BMPR1B: variants seen among roughly 807,000 people sequenced by gnomAD.
BMPR1B encodes bone morphogenetic protein receptor type 1B.
In BMPR1B, 12 loss-of-function variants were observed where a neutral mutation model predicts 59.1. That is an observed-to-expected ratio of 0.20 (90% CI 0.13 to 0.33). The LOEUF (loss-of-function observed/expected upper bound fraction) is 0.33, where lower values mean the gene tolerates loss of function less well. Among genes scored for constraint, BMPR1B ranks in the 10% least tolerant of loss-of-function variants. BMPR1B has a pLI of 1.00. For missense variants in BMPR1B, 550 were observed against 610.9 expected (o/e 0.90, Z 1.05); for synonymous variants, 237 against 207.3 (o/e 1.14, Z -1.23).
intron 2 of BMPR1B, chr4:94,995,696 T>C (rs1442203526): frequency 6.6e-6 from 1 of 152,178 alleles, no homozygotes; most frequent in Non-Finnish European, 1.5e-5. Flanking sequence ...GTGCCTGATT[T>C]GGGCCTCAGG....
intron 1 of BMPR1B, among the ~76,000 whole-genome samples, chr4:94,823,179 C>T (rs1353727786): frequency 6.6e-6 from 1 of 152,148 alleles, no homozygotes; most frequent in Non-Finnish European, 1.5e-5. Flanking sequence ...GGTGCTCTTT[C>T]TCACTTCATA....
intron 3 of BMPR1B, among the ~76,000 whole-genome samples, chr4:95,050,491 GT>G (rs1055518170): frequency 3.7e-4 from 57 of 152,222 alleles, no homozygotes; most frequent in African/African-American, 1.2e-3. Flanking sequence ...ACATTGTTGG[GT>G]TTCCTAAGCT....
At chr4:94,985,852 A>G (rs1475002979) in intron 2 of BMPR1B, among the ~76,000 whole-genome samples, 2 of 152,180 alleles carry the variant, frequency 1.3e-5, no homozygotes, top group African/African-American at 4.8e-5. Context: ...CGATGAACAA[A>G]TGAAAGAGCA....
chr4:95,074,267 T>C (rs1372661950), intron 3 of BMPR1B, among the ~76,000 whole-genome samples: 2 of 152,122 alleles, frequency 1.3e-5, no homozygotes, highest in Non-Finnish European at 2.9e-5. Flanking sequence ...TATTGCAATA[T>C]GAAAAATACA....
chr4:94,985,380 CAAG>C lies in BMPR1B; in HGVS notation c.-112-10657_-112-10655del, dbSNP rs1370115871. On this transcript the variant is annotated intron_variant, in intron 2 of 12. Coordinates refer to ENST00000515059, the MANE Select transcript of BMPR1B (RefSeq NM_001203.3). ...AAGCTCCAGAGATTCAGAATATACT[CAAG>C]AATCTCGAGTAGATAGTAACTAATT... Among the ~76,000 whole-genome samples the C allele has an allele frequency of 2.6e-5, 4 of 152,010 alleles. No homozygotes were observed. The East Asian group carries it at 7.7e-4, about 29-fold the overall frequency.
At chr4:94,785,080 G>T (rs1460017589) in intron 1 of BMPR1B, among the ~76,000 whole-genome samples, 2 of 152,126 alleles carry the variant, frequency 1.3e-5, no homozygotes, top group Non-Finnish European at 2.9e-5. Context: ...GAGACAAATG[G>T]TCTCCATTTA....
intron 1 of BMPR1B, among the ~76,000 whole-genome samples, chr4:94,766,690 T>A (rs986072461): frequency 2.6e-5 from 4 of 151,966 alleles, no homozygotes; most frequent in African/African-American, 9.7e-5. Flanking sequence ...TATTATTATT[T>A]TTTACCACAC....
At chr4:94,958,988 A>G (rs1485984089) in intron 2 of BMPR1B, among the ~76,000 whole-genome samples, 1 of 152,134 alleles carries the variant, frequency 6.6e-6, no homozygotes, top group Non-Finnish European at 1.5e-5. Flanking sequence ...TGGAAACACG[A>G]GGAAGCTGAT....
intron 1 of BMPR1B, among the ~76,000 whole-genome samples, chr4:94,821,210 T>G (rs1171803907): frequency 1.3e-5 from 2 of 152,204 alleles, no homozygotes; most frequent in Non-Finnish European, 2.9e-5. Flanking sequence ...TTAAATTTAT[T>G]GCCACAGAAA....
At chr4:94,950,949 T>C (rs1313611262) in intron 2 of BMPR1B, among the ~76,000 whole-genome samples, 2 of 152,204 alleles carry the variant, frequency 1.3e-5, no homozygotes, top group Non-Finnish European at 2.9e-5. Context: ...TGTCCTCTCT[T>C]ATTTCCTTGA....
At chr4:94,967,238 G>A (rs1345643532) in intron 2 of BMPR1B, among the ~76,000 whole-genome samples, 3 of 152,152 alleles carry the variant, frequency 2.0e-5, no homozygotes, top group Non-Finnish European at 4.4e-5. Flanking sequence ...CTAAGTAGAA[G>A]TAGAAACACC....
chr4:94,854,426 T>C (rs1260104032), intron 1 of BMPR1B, among the ~76,000 whole-genome samples: 1 of 152,140 alleles, frequency 6.6e-6, no homozygotes, highest in Non-Finnish European at 1.5e-5. Context: ...AGTTTTGTTG[T>C]ATCAGTGACT....
chr4:94,974,143 T>C (rs1388876183), intron 2 of BMPR1B, among the ~76,000 whole-genome samples: 1 of 152,218 alleles, frequency 6.6e-6, no homozygotes, highest in African/African-American at 2.4e-5. Flanking sequence ...TGATCACCAG[T>C]GAAGTTAGTG....
intron 2 of BMPR1B, among the ~76,000 whole-genome samples, chr4:94,907,958 G>C (rs981857585): frequency 1.3e-5 from 2 of 150,368 alleles, no homozygotes; most frequent in Admixed American, 6.7e-5. Flanking sequence ...GTTGAGGTGG[G>C]AGCATTGCTT....
intron 2 of BMPR1B, among the ~76,000 whole-genome samples, chr4:94,984,058 A>G (rs1288437915): frequency 6.6e-6 from 1 of 152,240 alleles, no homozygotes; most frequent in Non-Finnish European, 1.5e-5. Flanking sequence ...TAATAGAATA[A>G]AGCAATAAAA....
rs1048324552 is a variant in BMPR1B, at chr4:95,156,689, CAGTT to C, written c.*2019_*2022del. ...AAATTGTGTTTTTAAAGAGTGAAAACAGTTAGAAAACAAGTAGAACTGTAATCAG... is the reference window on the plus strand; with the variant it reads ...AAATTGTGTTTTTAAAGAGTGAAAACAGAAAACAAGTAGAACTGTAATCAG... On this transcript the variant is annotated 3_prime_UTR_variant, in exon 13 of 13. Coordinates refer to ENST00000515059, the MANE Select transcript of BMPR1B (RefSeq NM_001203.3). 7.3e-5 allele frequency: 11 copies of C among 151,572 alleles called. No individual in the cohort carries two copies. Among genetic ancestry groups the C allele is most frequent in the African/African-American group, 1.2e-4 (5 of 41,340 alleles). The allele number at this position is 151,572 out of a possible 1,614,324, so 9.4% of individuals were successfully genotyped here. A position where few individuals can be genotyped will look rare whatever the true frequency, so the allele number is the denominator to read the frequency against.
intron 3 of BMPR1B, among the ~76,000 whole-genome samples, chr4:94,998,477 G>A (rs1722219750): frequency 6.6e-6 from 1 of 151,532 alleles, no homozygotes; most frequent in African/African-American, 2.4e-5. Context: ...GGGTTCAAGC[G>A]ATTCTCCTGC....
At chr4:95,116,419 GCGCACACA>G (rs1349138767) in intron 6 of BMPR1B, among the ~76,000 whole-genome samples, 40 of 51,102 alleles carry the variant, frequency 7.8e-4, no homozygotes, top group African/African-American at 3.3e-3. Context: ...CTTTCAGCGC[GCGCACACA>G]CACACACACA....
intron 10 of BMPR1B, among the ~76,000 whole-genome samples, chr4:95,136,036 C>A (rs1433196033): frequency 6.6e-6 from 1 of 152,090 alleles, no homozygotes; most frequent in Non-Finnish European, 1.5e-5. Flanking sequence ...AGATACGTCC[C>A]ATCAATAACT....
Sources: allele counts gnomAD v4.1 joint callset (sites outside exome capture counted in the v4.1 genomes callset), GRCh38; gene constraint gnomAD v4.1.1; transcripts MANE v1.5; gene names NCBI Gene and HGNC (gene_info 2026-07-23, HGNC 2026-07-21).